Variants in ATRNL1 observed in about 807,000 individuals in gnomAD.
ATRNL1 encodes the protein attractin like 1, also known as attractin-like protein 1.
A neutral mutation model predicts 182.7 loss-of-function variants in ATRNL1; 95 were observed. That is an observed-to-expected ratio of 0.52 (90% CI 0.44 to 0.62). The LOEUF (loss-of-function observed/expected upper bound fraction) is 0.62, where lower values mean the gene tolerates loss of function less well. Among genes scored for constraint, ATRNL1 ranks in the 20% least tolerant of loss-of-function variants. The probability of loss-of-function intolerance (pLI) is 0.00; values close to 1 mark genes in which losing one functional copy is unlikely to be tolerated. For missense variants in ATRNL1, 1,471 were observed against 1,679.5 expected (o/e 0.88, Z 2.17); for synonymous variants, 576 against 568.3 (o/e 1.01, Z -0.19).
At chr10:115,327,794 A>G (rs1461612795) in intron 18 of ATRNL1, among the ~76,000 whole-genome samples, 1 of 152,074 alleles carries the variant, frequency 6.6e-6, no homozygotes, top group Non-Finnish European at 1.5e-5. Context: ...AGGGATATGG[A>G]TGAAATTGGA....
intron 26 of ATRNL1, among the ~76,000 whole-genome samples, chr10:115,561,700 T>TGG (rs1853745532): frequency 9.8e-6 from 1 of 102,158 alleles, no homozygotes; most frequent in African/African-American, 3.3e-5. Context: ...GGTGTGTGTG[T>TGG]GTGGGTGTGT....
At chr10:115,206,803 A>G (rs1248941576) in intron 8 of ATRNL1, among the ~76,000 whole-genome samples, 2 of 152,126 alleles carry the variant, frequency 1.3e-5, no homozygotes, top group Admixed American at 6.6e-5. Flanking sequence ...CGTCATTTAC[A>G]TTAGGTATTT....
intron 25 of ATRNL1, among the ~76,000 whole-genome samples, chr10:115,529,732 T>A (rs1851453121): frequency 6.6e-6 from 1 of 152,144 alleles, no homozygotes; most frequent in South Asian, 2.1e-4. Context: ...TTTTCCAATT[T>A]CTAATTTTAA....
At chr10:115,298,242 T>C (rs910272410) in intron 15 of ATRNL1, among the ~76,000 whole-genome samples, 3 of 152,188 alleles carry the variant, frequency 2.0e-5, no homozygotes, top group Non-Finnish European at 4.4e-5. Context: ...TTGGGTCAAA[T>C]GATCATTTAC....
intron 26 of ATRNL1, among the ~76,000 whole-genome samples, chr10:115,691,495 G>A (rs1946392974): frequency 6.6e-6 from 1 of 152,208 alleles, no homozygotes; most frequent in Non-Finnish European, 1.5e-5. Context: ...GCCAAGGCAG[G>A]TGGATCACCT....
chr10:115,375,623 G>A (rs1173472598), intron 19 of ATRNL1, among the ~76,000 whole-genome samples: 1 of 150,996 alleles, frequency 6.6e-6, no homozygotes, highest in African/African-American at 2.4e-5. Context: ...TTTATCTTTT[G>A]TGCATGTACT....
intron 27 of ATRNL1, among the ~76,000 whole-genome samples, chr10:115,774,268 A>G (rs1949064589): frequency 6.6e-6 from 1 of 151,856 alleles, no homozygotes; most frequent in South Asian, 2.1e-4. Flanking sequence ...TCTCTACTAA[A>G]AGTACAAAAA....
intron 19 of ATRNL1, among the ~76,000 whole-genome samples, chr10:115,379,226 A>G (rs1857848816): frequency 6.6e-6 from 1 of 152,228 alleles, no homozygotes; most frequent in East Asian, 1.9e-4. Context: ...AACAAAGGCC[A>G]CTGTATAATG....
At chr10:115,513,433 A>G (rs782386225) in intron 24 of ATRNL1, among the ~76,000 whole-genome samples, 1 of 151,960 alleles carries the variant, frequency 6.6e-6, no homozygotes, top group Non-Finnish European at 1.5e-5. Flanking sequence ...TATATAATTT[A>G]TTATTATCGC....
intron 17 of ATRNL1, among the ~76,000 whole-genome samples, chr10:115,305,428 C>G (rs1853678922): frequency 6.6e-6 from 1 of 152,022 alleles, no homozygotes; most frequent in Admixed American, 6.6e-5. Flanking sequence ...TGTTGATATC[C>G]TTTTTTAGGG....
chr10:115,790,568 G>A (rs1949506623), intron 27 of ATRNL1, among the ~76,000 whole-genome samples: 1 of 151,702 alleles, frequency 6.6e-6, no homozygotes. Context: ...ATTTGAGTGA[G>A]GGTAGAGAGA....
intron 24 of ATRNL1, among the ~76,000 whole-genome samples, chr10:115,509,608 G>A (rs1336264178): frequency 6.6e-6 from 1 of 151,958 alleles, no homozygotes; most frequent in Non-Finnish European, 1.5e-5. Context: ...GGCTTCCCCA[G>A]AAGCCTTGCA....
intron 3 of ATRNL1, among the ~76,000 whole-genome samples, chr10:115,124,178 A>G (rs940527701): frequency 8.5e-5 from 13 of 152,124 alleles, no homozygotes; most frequent in African/African-American, 3.1e-4. Flanking sequence ...GCTGCTCTAT[A>G]ACACTGCTGT....
At chr10:115,542,136 T>G (rs1434740163) in intron 25 of ATRNL1, among the ~76,000 whole-genome samples, 1 of 152,098 alleles carries the variant, frequency 6.6e-6, no homozygotes, top group African/African-American at 2.4e-5. Context: ...CAGGAAGATT[T>G]TCCTTATTAG....
chr10:115,924,404 C>A (rs1953157205), intron 28 of ATRNL1, among the ~76,000 whole-genome samples: 1 of 151,958 alleles, frequency 6.6e-6, no homozygotes, highest in Non-Finnish European at 1.5e-5. Context: ...ACTTTTTAAT[C>A]ATTCTTGAAT....
At chr10:115,161,714 A>C (rs1190286342) in intron 6 of ATRNL1, among the ~76,000 whole-genome samples, 2 of 152,070 alleles carry the variant, frequency 1.3e-5, no homozygotes, top group Non-Finnish European at 2.9e-5. Flanking sequence ...CTGAAATCTG[A>C]GTATTTTGGT....
chr10:115,398,222 A>G (rs1337393749), intron 20 of ATRNL1, among the ~76,000 whole-genome samples: 1 of 152,034 alleles, frequency 6.6e-6, no homozygotes, highest in African/African-American at 2.4e-5. Flanking sequence ...TGGCAGCCGC[A>G]GTGGGCAGGG....
At chr10:115,876,109 A>C (rs542859371) in intron 28 of ATRNL1, among the ~76,000 whole-genome samples, 12 of 152,218 alleles carry the variant, frequency 7.9e-5, no homozygotes, top group African/African-American at 2.2e-4. Flanking sequence ...CAGATTACCC[A>C]GCTCAGAATC....
chr10:115,887,097 C>A (rs1237959536), intron 28 of ATRNL1, among the ~76,000 whole-genome samples: 1 of 152,114 alleles, frequency 6.6e-6, no homozygotes, highest in Non-Finnish European at 1.5e-5. Context: ...TCATCATGGA[C>A]CCCACACCAG....
Sources: gnomAD v4.1 joint callset for allele counts (sites outside exome capture counted in the v4.1 genomes callset) on GRCh38, gnomAD v4.1.1 for gene constraint, MANE v1.5 for transcripts, NCBI Gene and HGNC (gene_info 2026-07-23, HGNC 2026-07-21) for gene names.